The following SLC25A26 variants were observed in gnomAD, a reference collection of about 807,000 sequenced individuals.
SLC25A26 encodes the protein mitochondrial S-adenosylmethionine carrier protein.
A neutral mutation model predicts 37.8 loss-of-function variants in SLC25A26; 36 were observed. That is an observed-to-expected ratio of 0.95 (90% CI 0.73 to 1.26). The LOEUF is 1.26. Ranked by LOEUF, SLC25A26 falls within the 50% of genes most tolerant of loss-of-function variation. The pLI is 0.00. For synonymous variants in SLC25A26, 129 were observed against 122.5 expected (o/e 1.05, Z -0.35); for missense variants, 390 against 331.1 (o/e 1.18, Z -1.38).
intron 9 of SLC25A26, among the ~76,000 whole-genome samples, chr3:66,372,988 G>A (rs1361555541): frequency 6.6e-6 from 1 of 152,230 alleles, no homozygotes; most frequent in East Asian, 1.9e-4. Context: ...ATCTTTCCGT[G>A]TGGTCCACGC....
rs549349439 is a variant in SLC25A26 at position 66,150,314 on chromosome 3, A to G, written c.-354+16330A>G. ...GGAGTTCAAGACCAGCCTGGCCAAC[A>G]TGATGAAATCCTGTCTTTACTAAAA... On this transcript the variant is annotated intron_variant, in intron 1 of 10. Transcript: ENST00000676754. Among the ~76,000 whole-genome samples, 131 of 151,568 alleles carry G rather than the reference A, an allele frequency of 8.6e-4. 1 individual carries two copies. The highest frequency in any genetic ancestry group is 2.9e-3 in the African/African-American group (119 of 41,336).
chr3:66,190,387 CAGGTAAAGCAT>C (rs2070916869), intron 1 of SLC25A26, among the ~76,000 whole-genome samples: 1 of 151,856 alleles, frequency 6.6e-6, no homozygotes, highest in Non-Finnish European at 1.5e-5. Context: ...TGATTTGCCT[CAGGTAAAGCAT>C]AGGTTAATGC....
rs185306155 is a variant in SLC25A26, at chr3:66,149,424, C to G, written c.-354+15440C>G. Reference sequence around the variant, plus strand: ...CAGAAGCTAGCAAAACCCCAGACATCTGTTTTATGTGCCAACAAATTTTCT... The same window carrying G: ...CAGAAGCTAGCAAAACCCCAGACATGTGTTTTATGTGCCAACAAATTTTCT... On this transcript the variant is annotated intron_variant, in intron 1 of 10. Coordinates refer to the SLC25A26 transcript ENST00000676754. Among the ~76,000 whole-genome samples the G allele has an allele frequency of 8.1e-4, 123 of 152,298 alleles. 2 individuals carry two copies. The highest frequency in any genetic ancestry group is 2.9e-3 in the African/African-American group (121 of 41,578).
chr3:66,241,171 C>T (rs1559606264), intron 2 of SLC25A26, among the ~76,000 whole-genome samples: 1 of 151,980 alleles, frequency 6.6e-6, no homozygotes, highest in Non-Finnish European at 1.5e-5. Context: ...GTAAGTGGAC[C>T]TGTGCGTTTA....
chr3:66,369,556 T>C lies in SLC25A26; in HGVS notation c.633+14T>C. On this transcript the variant is annotated intron_variant, in intron 8 of 9. Coordinates refer to ENST00000354883, the MANE Select transcript of SLC25A26 (RefSeq NM_001379210.1). ...ACGCTGGCAAAGGTAAGTGGTGAAA[T>C]AATGTAATGGAGATACTTCAGATGC... The C allele has an allele frequency of 6.3e-7, 1 of 1,579,246 alleles. No individual in the cohort carries two copies. The highest frequency in any genetic ancestry group is 8.6e-7 in the Non-Finnish European group (1 of 1,158,922).
intron 1 of SLC25A26, among the ~76,000 whole-genome samples, chr3:66,190,697 G>A (rs1413033945): frequency 1.3e-5 from 2 of 152,202 alleles, no homozygotes; most frequent in Admixed American, 1.3e-4. Context: ...CCAAAATGCT[G>A]GGATTACAGG....
chr3:66,241,070 T>A (rs1433404255), intron 2 of SLC25A26, among the ~76,000 whole-genome samples: 1 of 152,136 alleles, frequency 6.6e-6, no homozygotes, highest in Non-Finnish European at 1.5e-5. Context: ...TTTTTGGTAT[T>A]TCTAGGCTAT....
intron 1 of SLC25A26, among the ~76,000 whole-genome samples, chr3:66,229,048 T>C (rs575371021): frequency 1.8e-4 from 27 of 152,348 alleles, no homozygotes; most frequent in Non-Finnish European, 3.1e-4. Flanking sequence ...CTTCAGTGTT[T>C]GGTAAAGTAC....
intron 1 of SLC25A26, among the ~76,000 whole-genome samples, chr3:66,208,047 T>C (rs2071203459): frequency 6.6e-6 from 1 of 152,202 alleles, no homozygotes; most frequent in East Asian, 1.9e-4. Context: ...AAAAAGACTT[T>C]ATATAGTTAA....
At chr3:66,135,637 T>A (rs2069935313) in intron 1 of SLC25A26, among the ~76,000 whole-genome samples, 1 of 152,132 alleles carries the variant, frequency 6.6e-6, no homozygotes, top group South Asian at 2.1e-4. Flanking sequence ...CATGGTGGCA[T>A]GTACTTGTAA....
chr3:66,184,139 A>G (rs1054310984), intron 1 of SLC25A26, among the ~76,000 whole-genome samples: 1 of 151,516 alleles, frequency 6.6e-6, no homozygotes. Flanking sequence ...CTGTCTCTCA[A>G]TTTCTCATCC....
chr3:66,200,984 T>C (rs1164132305), intron 1 of SLC25A26, among the ~76,000 whole-genome samples: 1 of 152,146 alleles, frequency 6.6e-6, no homozygotes, highest in Non-Finnish European at 1.5e-5. Context: ...TCTAGTACCG[T>C]ATAATCACTA....
chr3:66,280,381 C>T (rs1215457788), intron 5 of SLC25A26, among the ~76,000 whole-genome samples: 1 of 152,096 alleles, frequency 6.6e-6, no homozygotes, highest in Non-Finnish European at 1.5e-5. Context: ...AAAGTAAGTA[C>T]CTCTTGAATA....
chr3:66,371,731 C>T (rs1013595287), intron 9 of SLC25A26, among the ~76,000 whole-genome samples: 20 of 152,100 alleles, frequency 1.3e-4, no homozygotes, highest in African/African-American at 3.9e-4. Context: ...AATTCTGCTG[C>T]CAGTTCCACA....
intron 5 of SLC25A26, among the ~76,000 whole-genome samples, chr3:66,334,801 G>A (rs1258655875): frequency 6.6e-6 from 1 of 152,126 alleles, no homozygotes; most frequent in East Asian, 1.9e-4. Flanking sequence ...AACATGTAAT[G>A]TGACTGGGAA....
chr3:66,177,583 T>G (rs1278395730), intron 1 of SLC25A26, among the ~76,000 whole-genome samples: 4 of 152,224 alleles, frequency 2.6e-5, no homozygotes, highest in Non-Finnish European at 5.9e-5. Flanking sequence ...GTAGAGCCTA[T>G]GCTGTGGGTC....
chr3:66,135,284 A>G (rs1207049733), intron 1 of SLC25A26, among the ~76,000 whole-genome samples: 1 of 152,210 alleles, frequency 6.6e-6, no homozygotes, highest in African/African-American at 2.4e-5. Flanking sequence ...GCGATTTTCA[A>G]TTTACTCCTA....
intron 6 of SLC25A26, among the ~76,000 whole-genome samples, chr3:66,362,624 C>G (rs2076736813): frequency 6.6e-6 from 1 of 152,162 alleles, no homozygotes; most frequent in Admixed American, 6.5e-5. Flanking sequence ...TGCACACACA[C>G]ATATGTATTC....
chr3:66,331,668 A>T (rs967512925), intron 5 of SLC25A26, among the ~76,000 whole-genome samples: 1 of 152,068 alleles, frequency 6.6e-6, no homozygotes, highest in Non-Finnish European at 1.5e-5. Context: ...TTTCTTTTTT[A>T]AAAAATGTCT....
Sources: allele counts gnomAD v4.1 joint callset (sites outside exome capture counted in the v4.1 genomes callset), GRCh38; gene constraint gnomAD v4.1.1; transcripts MANE v1.5; gene names NCBI Gene and HGNC (gene_info 2026-07-23, HGNC 2026-07-21).